Variants in SDK1 observed in about 807,000 individuals in gnomAD.
The protein encoded by SDK1 is protein sidekick-1.
In SDK1, 157 loss-of-function variants were observed where a neutral mutation model predicts 245.5. The observed-to-expected ratio is 0.64, with a 90% CI of 0.56 to 0.73. The LOEUF is 0.73. Among genes scored for constraint, SDK1 ranks in the 30% least tolerant of loss-of-function variants. SDK1 has a pLI of 0.00. For missense variants in SDK1, 3,583 were observed against 3,002.3 expected (o/e 1.19, Z -4.52); for synonymous variants, 1,647 against 1,278.5 (o/e 1.29, Z -6.15).
At chr7:3,910,006 C>A (rs1257038256) in intron 5 of SDK1, among the ~76,000 whole-genome samples, 1 of 152,108 alleles carries the variant, frequency 6.6e-6, no homozygotes, top group Non-Finnish European at 1.5e-5. Context: ...ATAATAAAAG[C>A]GCTCATGGAT....
At chr7:3,303,122 C>T (rs1779325141) in intron 1 of SDK1, among the ~76,000 whole-genome samples, 1 of 152,078 alleles carries the variant, frequency 6.6e-6, no homozygotes, top group Admixed American at 6.5e-5. Context: ...AAACAAATTG[C>T]CATATTTCTG....
chr7:3,834,335 C>T (rs1779983084), intron 5 of SDK1, among the ~76,000 whole-genome samples: 1 of 152,196 alleles, frequency 6.6e-6, no homozygotes, highest in Non-Finnish European at 1.5e-5. Context: ...CTTCCCTGAG[C>T]TCACTTTTGC....
chr7:3,410,578 C>CTTTTTTTTTTTTTTTT (rs776277920), intron 1 of SDK1, among the ~76,000 whole-genome samples: 1 of 82,062 alleles, frequency 1.2e-5, no homozygotes, highest in Admixed American at 1.5e-4. Flanking sequence ...GAAATGATAT[C>CTTTTTTTTTTTTTTTT]TTTTTTTTTT....
At chr7:3,599,813 A>G (rs1474200132) in intron 1 of SDK1, among the ~76,000 whole-genome samples, 5 of 152,192 alleles carry the variant, frequency 3.3e-5, no homozygotes, top group East Asian at 1.9e-4. Context: ...TGATCCCTCT[A>G]TGAATACCAT....
intron 9 of SDK1, among the ~76,000 whole-genome samples, chr7:3,966,366 G>C (rs1420851786): frequency 6.6e-6 from 1 of 152,152 alleles, no homozygotes; most frequent in Non-Finnish European, 1.5e-5. Context: ...CCTCACAGAA[G>C]ACTTGAGAGA....
chr7:3,574,325 C>G (rs1780216894), intron 1 of SDK1, among the ~76,000 whole-genome samples: 1 of 151,900 alleles, frequency 6.6e-6, no homozygotes, highest in South Asian at 2.1e-4. Flanking sequence ...ACCATGTTGG[C>G]CAGGCTGGTT....
At chr7:3,860,934 A>C (rs917332391) in intron 5 of SDK1, among the ~76,000 whole-genome samples, 1 of 152,104 alleles carries the variant, frequency 6.6e-6, no homozygotes, top group Non-Finnish European at 1.5e-5. Flanking sequence ...GCTTGCAACA[A>C]AGGCCGAATG....
chr7:4,100,819 G>A (rs116998021), intron 22 of SDK1, among the ~76,000 whole-genome samples: 5,086 of 152,282 alleles, frequency 0.033, 113 homozygotes, highest in Non-Finnish European at 0.046. Context: ...TGGACCGCTC[G>A]GCACAGCAAG....
chr7:3,360,876 G>A (rs750788660), intron 1 of SDK1, among the ~76,000 whole-genome samples: 17 of 107,756 alleles, frequency 1.6e-4, no homozygotes, highest in Non-Finnish European at 3.2e-4. Context: ...ATTGGAGATA[G>A]TACTGCCTAT....
In SDK1 at chr7:3,874,813, C is replaced by T. The variant is rs142060906; in HGVS notation, c.847+53230C>T. Among the ~76,000 whole-genome samples, 731 of 152,202 alleles carry T rather than the reference C, an allele frequency of 4.8e-3. 3 individuals carry two copies. Among genetic ancestry groups the T allele is most frequent in the Non-Finnish European group, 6.1e-3 (412 of 67,998 alleles). On this transcript the variant is annotated intron_variant, in intron 5 of 44. Coordinates refer to ENST00000404826, the MANE Select transcript of SDK1 (RefSeq NM_152744.4). ...TGCCTTAAAGCTTTAGTTTTTTGTC[C>T]TTCACCCTATAGATTAAAGCTTTTG...
chr7:4,142,731 G>A (rs999930277), intron 28 of SDK1, among the ~76,000 whole-genome samples: 2 of 152,212 alleles, frequency 1.3e-5, no homozygotes, highest in East Asian at 3.9e-4. Flanking sequence ...CCAAAATGCT[G>A]GGATTACAGG....
At position 4,041,333 on chromosome 7, in the gene SDK1, G is replaced by A. The variant is rs570237704; in HGVS notation, c.2603-8015G>A. Reference sequence around the variant, plus strand: ...ACTTTCAGATTCATAGGACAGTTGAGTAGAAAGTTAAAAGAGTTTTGATAT... The same window carrying A: ...ACTTTCAGATTCATAGGACAGTTGAATAGAAAGTTAAAAGAGTTTTGATAT... On this transcript the variant is annotated intron_variant, in intron 17 of 44. Transcript: ENST00000404826. Among the ~76,000 whole-genome samples, 3 of 149,804 alleles carry A rather than the reference G, an allele frequency of 2.0e-5. No homozygotes were observed. The East Asian group carries it at 5.8e-4, about 29-fold the overall frequency.
Position 4,224,727 on chromosome 7 carries a change from T to C in SDK1, c.5827+3363T>C, listed in dbSNP as rs1785323382. ...CGAGAGCAGATTAAAAAGCCTGTAA[T>C]CCCAGCACTTTGGGAGGCCGAGGTG... On this transcript the variant is annotated intron_variant, in intron 40 of 44. Transcript: ENST00000404826. Among the ~76,000 whole-genome samples the C allele has an allele frequency of 2.6e-5, 4 of 152,014 alleles. No homozygotes were observed. In the South Asian group the frequency reaches 8.3e-4, roughly 32 times the overall value.
intron 1 of SDK1, among the ~76,000 whole-genome samples, chr7:3,443,356 C>T (rs1210309072): frequency 6.6e-6 from 1 of 152,072 alleles, no homozygotes; most frequent in Non-Finnish European, 1.5e-5. Context: ...AGCTTGCAAA[C>T]CGTTTATGTC....
At chr7:3,513,838 G>C (rs1388677328) in intron 1 of SDK1, among the ~76,000 whole-genome samples, 1 of 151,990 alleles carries the variant, frequency 6.6e-6, no homozygotes. Context: ...TTATATCCAT[G>C]TGTACTCAGT....
At chr7:3,464,529 C>G (rs116148446) in intron 1 of SDK1, among the ~76,000 whole-genome samples, 5 of 152,134 alleles carry the variant, frequency 3.3e-5, no homozygotes, top group African/African-American at 1.2e-4. Flanking sequence ...TCTAAAAATA[C>G]AAAGGTATTA....
rs760162417 is a variant in SDK1 at position 3,878,655 on chromosome 7, C to G, written c.847+57072C>G. ...TAAATATCATCTCATATAATCCTCTCTCTTTGTAGATGAGCAAAGTTAGAT... is the reference window on the plus strand; with the variant it reads ...TAAATATCATCTCATATAATCCTCTGTCTTTGTAGATGAGCAAAGTTAGAT... On this transcript the variant is annotated intron_variant, in intron 5 of 44. Transcript: ENST00000404826. 2.0e-5 allele frequency among the ~76,000 whole-genome samples: 3 copies of G among 152,254 alleles called. No homozygotes were observed. The East Asian group carries it at 5.8e-4, about 29-fold the overall frequency.
At chr7:4,154,500 C>G (rs1780595911) in intron 30 of SDK1, among the ~76,000 whole-genome samples, 1 of 152,068 alleles carries the variant, frequency 6.6e-6, no homozygotes, top group Non-Finnish European at 1.5e-5. Flanking sequence ...CGGGGAGTCA[C>G]CAGGCAGCAT....
At chr7:3,447,456 C>A (rs970783509) in intron 1 of SDK1, among the ~76,000 whole-genome samples, 3 of 152,004 alleles carry the variant, frequency 2.0e-5, no homozygotes, top group African/African-American at 7.2e-5. Flanking sequence ...TGTTGGACTT[C>A]AATAATAATA....
Sources: gnomAD v4.1 joint callset for allele counts (sites outside exome capture counted in the v4.1 genomes callset) on GRCh38, gnomAD v4.1.1 for gene constraint, MANE v1.5 for transcripts, NCBI Gene and HGNC (gene_info 2026-07-23, HGNC 2026-07-21) for gene names.